CHD8: variants seen among roughly 807,000 people sequenced by gnomAD.
CHD8 encodes chromodomain helicase DNA binding protein 8.
CHD8 carries 31 observed loss-of-function variants against 279.2 expected under a neutral mutation model. The observed-to-expected ratio is 0.11, with a 90% confidence interval of 0.08 to 0.15. The LOEUF (loss-of-function observed/expected upper bound fraction) is 0.15, where lower values mean the gene tolerates loss of function less well. CHD8 is among the 10% of genes least tolerant of loss of function. CHD8 has a pLI of 1.00. For synonymous variants in CHD8, 1,081 were observed against 1,139.6 expected (o/e 0.95, Z 1.04); for missense variants, 2,146 against 3,230.5 (o/e 0.66, Z 8.14).
intron 16 of CHD8, among the ~76,000 whole-genome samples, chr14:21,404,086 G>A (rs1423820067): frequency 6.2e-5 from 9 of 145,140 alleles, no homozygotes; most frequent in African/African-American, 1.3e-4. Context: ...GTGACAGAGC[G>A]AGACTCCACC....
At position 21,391,070 on chromosome 14, in the gene CHD8, T is replaced by C. The variant is rs779681265; in HGVS notation, c.7066-7A>G. The C allele has an allele frequency of 3.4e-5, 51 of 1,510,216 alleles. No individual in the cohort carries two copies. The East Asian group carries it at 1.1e-3, about 33-fold the overall frequency. The allele number at this position is 1,510,216 out of a possible 1,614,324, so 93.6% of individuals were successfully genotyped here. On this transcript the variant is annotated splice_polypyrimidine_tract_variant and splice_region_variant and intron_variant, in intron 36 of 37. Coordinates refer to ENST00000646647, the MANE Select transcript of CHD8 (RefSeq NM_001170629.2). ...TTCTGCGATCCTCCATATACTGCAA[T>C]AGAAAAAATCAGTTATCCTAGAGGA...
intron 5 of CHD8, among the ~76,000 whole-genome samples, chr14:21,424,114 C>CT (rs1401460531): frequency 6.6e-6 from 1 of 152,194 alleles, no homozygotes; most frequent in African/African-American, 2.4e-5. Flanking sequence ...CGGACAGTTA[C>CT]TTTAAAATGT....
intron 33 of CHD8, 81 bp from the exon 34 acceptor site, chr14:21,392,890 A>G: frequency 7.2e-7 from 1 of 1,393,484 alleles, no homozygotes; most frequent in Non-Finnish European, 1.0e-6. Context: ...TAGTGCCATC[A>G]CTACCAGGAT....
At position 21,392,585 on chromosome 14, in the gene CHD8, T is replaced by G; in HGVS notation, c.6693A>C (p.Ala2231=). 3.1e-6 allele frequency: 5 copies of G among 1,613,894 alleles called. No homozygotes were observed. The highest frequency in any genetic ancestry group is 4.2e-6 in the Non-Finnish European group (5 of 1,179,894). ...TGAACTGGGCTGCCGCTGTGCTGAC[T>G]GCAGATGCTTCCTCCTCTGCCATGG... ...AASMAEEEAS[A]VSTAAAQFTK... Residue 2231 remains alanine, a synonymous_variant, in exon 34 of 38, where the codon GCA becomes GCC. Coordinates refer to ENST00000646647, the MANE Select transcript of CHD8 (RefSeq NM_001170629.2).
chr14:21,417,868 AT>A (rs1566435617), intron 5 of CHD8, among the ~76,000 whole-genome samples: 970 of 95,296 alleles, frequency 0.01, 5 homozygotes, highest in Admixed American at 0.019. Flanking sequence ...AAAAAAAAAT[AT>A]ATATATATAT....
intron 7 of CHD8, 123 bp downstream of exon 7, chr14:21,415,451 A>G (rs749598375): frequency 2.1e-5 from 10 of 470,308 alleles, no homozygotes; most frequent in Non-Finnish European, 3.3e-5. Flanking sequence ...CTACGATCAT[A>G]TCTATGAATA....
intron 1 of CHD8, among the ~76,000 whole-genome samples, chr14:21,434,324 G>A (rs1334196582): frequency 6.6e-6 from 1 of 152,134 alleles, no homozygotes; most frequent in African/African-American, 2.4e-5. Context: ...GGGATTATAG[G>A]CATGAGCCAC....
intron 26 of CHD8, chr14:21,398,360 C>T (rs1887880782): frequency 6.5e-6 from 1 of 153,168 alleles, no homozygotes; most frequent in Admixed American, 6.5e-5. Flanking sequence ...CTGCCTCAGC[C>T]TCCTGAGTAG....
chr14:21,423,174 C>T (rs553092432), intron 5 of CHD8, among the ~76,000 whole-genome samples: 23 of 152,110 alleles, frequency 1.5e-4, no homozygotes, highest in South Asian at 1.5e-3. Flanking sequence ...GCCAAGATTG[C>T]GCCATTGCAC....
rs912984479 is a variant in CHD8 at position 21,395,079 on chromosome 14, C to T, written c.5223G>A (p.Pro1741=). ...GAAGCCTAGCTGTTAGGGCAGAGCC[C>T]GGAGGCCAGAATAAATGGCCTGGCT... ...TQQPGHLFWP[P]GSALTARLRR... The change falls in exon 30 of 38, where the codon CCG becomes CCA. Residue 1741 remains proline, a synonymous_variant. Transcript: ENST00000646647. 1.2e-5 allele frequency: 19 copies of T among 1,613,804 alleles called. No homozygotes were observed. The highest frequency in any genetic ancestry group is 3.3e-5 in the South Asian group (3 of 91,084).
At chr14:21,441,550 C>T (rs1424855805) in intron 1 of CHD8, among the ~76,000 whole-genome samples, 2 of 152,068 alleles carry the variant, frequency 1.3e-5, no homozygotes, top group Non-Finnish European at 2.9e-5. Flanking sequence ...ATCAGTAGAA[C>T]CTGGAGTTCA....
chr14:21,399,964 AT>A lies in CHD8; in HGVS notation c.4817+16del, dbSNP rs1887958618. The A allele has an allele frequency of 6.2e-7, 1 of 1,605,862 alleles. No homozygotes were observed. Among genetic ancestry groups the A allele is most frequent in the Non-Finnish European group, 8.5e-7 (1 of 1,173,838 alleles). ...ATAAGGTAGGGCATAAATCAAAAAA[AT>A]ATAGCAGAATTTTACCTGGCAATCG... is the stretch of plus-strand genomic sequence containing the variant. On this transcript the variant is annotated intron_variant, in intron 25 of 37. Transcript: ENST00000646647.
intron 1 of CHD8, among the ~76,000 whole-genome samples, chr14:21,440,219 T>C (rs1272674231): frequency 6.6e-6 from 1 of 152,166 alleles, no homozygotes. Flanking sequence ...CTGGTTTTTT[T>C]TTCTTGAGAT....
rs760742508 is a variant in CHD8, at chr14:21,431,761, A to G, written c.-118T>C. On this transcript the variant is annotated 5_prime_UTR_variant, in exon 2 of 38. It removes the in-frame stop codon of an upstream open reading frame in the 5' UTR. Coordinates refer to ENST00000646647, the MANE Select transcript of CHD8 (RefSeq NM_001170629.2). The stretch of plus-strand genomic sequence containing the variant: ...AAAATGTACACAATGTAAGAGGACT[A>G]CTCTTCAAGTATAGAGGCAAGAAAC... 2 of 1,612,460 alleles carry G rather than the reference A, an allele frequency of 1.2e-6. No individual in the cohort carries two copies. The highest frequency in any genetic ancestry group is 2.2e-5 in the East Asian group (1 of 44,850).
chr14:21,410,124 C>T lies in CHD8; in HGVS notation c.2227-136G>A. 3 of 733,878 alleles carry T rather than the reference C, an allele frequency of 4.1e-6. No individual in the cohort carries two copies. In the South Asian group the frequency reaches 8.2e-5, roughly 20 times the overall value. The allele number at this position is 733,878 out of a possible 1,614,324, so 45.5% of individuals were successfully genotyped here. On this transcript the variant is annotated intron_variant, in intron 10 of 37. Coordinates refer to ENST00000646647, the MANE Select transcript of CHD8 (RefSeq NM_001170629.2). ...GCCGTTGAAAAAGTCAGGCCAAACA[C>T]ATCGACCAAAAGTTCACCTTCTGAT... is the stretch of plus-strand genomic sequence containing the variant.
intron 1 of CHD8, among the ~76,000 whole-genome samples, chr14:21,450,117 G>A (rs867358814): frequency 6.6e-6 from 1 of 152,182 alleles, no homozygotes; most frequent in Middle Eastern, 3.4e-3. Flanking sequence ...CCACTAATTT[G>A]TGCAGCAGCA....
At chr14:21,446,305 TTTC>T (rs201191137) in intron 1 of CHD8, among the ~76,000 whole-genome samples, 5,587 of 132,236 alleles carry the variant, frequency 0.042, 124 homozygotes, top group African/African-American at 0.095. Context: ...CATACTTAAT[TTTC>T]TTCTTCTTCT....
At position 21,403,439 on chromosome 14, in the gene CHD8, G is replaced by A. The variant is rs1328384090; in HGVS notation, c.3518+14C>T. 2 of 1,589,642 alleles carry A rather than the reference G, an allele frequency of 1.3e-6. No individual in the cohort carries two copies. Among genetic ancestry groups the A allele is most frequent in the Non-Finnish European group, 1.7e-6 (2 of 1,159,672 alleles). On this transcript the variant is annotated intron_variant, in intron 17 of 37. Coordinates refer to ENST00000646647, the MANE Select transcript of CHD8 (RefSeq NM_001170629.2). The surrounding 1 kb of genome is among the most constrained non-coding windows in gnomAD (Gnocchi z 4.3). ...GGACAGAGTAACCACAGGCTAGGATGACTCTTTTCTTACCTCCTCTGGATT... is the reference window on the plus strand; with the variant it reads ...GGACAGAGTAACCACAGGCTAGGATAACTCTTTTCTTACCTCCTCTGGATT...
intron 37 of CHD8, among the ~76,000 whole-genome samples, chr14:21,386,905 G>A (rs1887274092): frequency 1.3e-5 from 2 of 151,610 alleles, no homozygotes; most frequent in African/African-American, 2.4e-5. Context: ...TATGTGAATT[G>A]ACATTTACAA....
Sources: allele counts gnomAD v4.1 joint callset (sites outside exome capture counted in the v4.1 genomes callset), GRCh38; gene constraint gnomAD v4.1.1; non-coding constraint Gnocchi (gnomAD v3.1); transcripts MANE v1.5; gene names NCBI Gene and HGNC (gene_info 2026-07-23, HGNC 2026-07-21).